PPARGC1A: variants seen among roughly 807,000 people sequenced by gnomAD.
The protein encoded by PPARGC1A is peroxisome proliferator-activated receptor gamma coactivator 1-alpha.
Under a neutral mutation model 88.7 loss-of-function variants are expected in PPARGC1A, and 25 were observed. The observed-to-expected ratio is 0.28, with a 90% CI of 0.21 to 0.39. The LOEUF (loss-of-function observed/expected upper bound fraction) is 0.39, where lower values mean the gene tolerates loss of function less well. Among genes scored for constraint, PPARGC1A ranks in the 10% least tolerant of loss-of-function variants. The probability of loss-of-function intolerance (pLI) is 1.00; values close to 1 mark genes in which losing one functional copy is unlikely to be tolerated. For missense variants in PPARGC1A, 880 were observed against 968.7 expected (o/e 0.91, Z 1.22); for synonymous variants, 363 against 355.6 (o/e 1.02, Z -0.24).
chr4:23,861,299 G>A (rs913412981), intron 2 of PPARGC1A, among the ~76,000 whole-genome samples: 3 of 152,212 alleles, frequency 2.0e-5, no homozygotes, highest in Admixed American at 2.0e-4. Context: ...CGTATCTGAA[G>A]ATTTTGATAC....
the PPARGC1A span, among the ~76,000 whole-genome samples, chr4:24,051,006 T>G: frequency 6.6e-6 from 1 of 151,688 alleles, no homozygotes; most frequent in Admixed American, 6.6e-5. Context: ...GCTAACATGG[T>G]GAAACCCCGT....
At chr4:24,070,358 AC>A in the PPARGC1A span, among the ~76,000 whole-genome samples, 1 of 152,172 alleles carries the variant, frequency 6.6e-6, no homozygotes, top group African/African-American at 2.4e-5. Context: ...AAAAGTGCCT[AC>A]ACCTTAGTCA....
rs531195878 is a variant in PPARGC1A at position 23,810,652 on chromosome 4, T to C, written c.2019+2095A>G. The stretch of plus-strand genomic sequence containing the variant: ...TTTGATTAAAATATTAATCTGGCTT[T>C]AGTTACAACTGTGTTGTGTCATGGC... On this transcript the variant is annotated intron_variant, in intron 10 of 12. Transcript: ENST00000264867. 4.1e-4 allele frequency among the ~76,000 whole-genome samples: 63 copies of C among 152,350 alleles called. No individual in the cohort carries two copies. The Middle Eastern group carries it at 0.01, about 25-fold the overall frequency.
chr4:24,091,097 T>G, the PPARGC1A span, among the ~76,000 whole-genome samples: 1 of 152,174 alleles, frequency 6.6e-6, no homozygotes, highest in Non-Finnish European at 1.5e-5. Context: ...ATAAAGTAAG[T>G]CTGATGACAG....
At chr4:23,816,105 G>C (rs1176962455) in intron 7 of PPARGC1A, among the ~76,000 whole-genome samples, 1 of 152,180 alleles carries the variant, frequency 6.6e-6, no homozygotes, top group Non-Finnish European at 1.5e-5. Flanking sequence ...AATTCTCCCT[G>C]AGAGAAGAAA....
At chr4:24,058,623 C>T in the PPARGC1A span, among the ~76,000 whole-genome samples, 4 of 152,094 alleles carry the variant, frequency 2.6e-5, no homozygotes, top group African/African-American at 7.2e-5. Flanking sequence ...GAGTGAAAAA[C>T]GTGGCTGAGA....
chr4:24,411,203 A>T, the PPARGC1A span, among the ~76,000 whole-genome samples: 1 of 152,196 alleles, frequency 6.6e-6, no homozygotes, highest in Non-Finnish European at 1.5e-5. Flanking sequence ...CTTCTTCCTC[A>T]GGACACCCCA....
At chr4:23,889,834 C>G in intron 1 of PPARGC1A, 70 bp downstream of exon 1, 3 of 1,576,416 alleles carry the variant, frequency 1.9e-6, no homozygotes, top group African/African-American at 1.3e-5. Flanking sequence ...CCCATCCCCC[C>G]TTACAGGAAT....
the PPARGC1A span, among the ~76,000 whole-genome samples, chr4:23,928,696 A>C: frequency 4.4e-3 from 658 of 150,884 alleles, 3 homozygotes; most frequent in African/African-American, 0.015. Flanking sequence ...CGTGGCATGA[A>C]CCCAAATGCC....
chr4:24,322,833 T>C, the PPARGC1A span, among the ~76,000 whole-genome samples: 3 of 152,202 alleles, frequency 2.0e-5, no homozygotes, highest in Non-Finnish European at 4.4e-5. Context: ...TGCACAGCCA[T>C]CCACAATGAT....
chr4:23,974,686 G>T, the PPARGC1A span, among the ~76,000 whole-genome samples: 1 of 151,388 alleles, frequency 6.6e-6, no homozygotes, highest in South Asian at 2.1e-4. Context: ...AGGCTGGAGT[G>T]CAGTGGCGTG....
chr4:24,420,326 T>A, the PPARGC1A span, among the ~76,000 whole-genome samples: 3 of 152,204 alleles, frequency 2.0e-5, no homozygotes, highest in Non-Finnish European at 4.4e-5. Flanking sequence ...CTTTTTTTAA[T>A]TTAAAGTTTA....
chr4:23,869,672 G>A (rs1479878131), intron 2 of PPARGC1A, among the ~76,000 whole-genome samples: 1 of 150,806 alleles, frequency 6.6e-6, no homozygotes. Context: ...ATGGCACGGC[G>A]GGGTGGGCGG....
At chr4:24,379,402 A>G in the PPARGC1A span, among the ~76,000 whole-genome samples, 1 of 152,200 alleles carries the variant, frequency 6.6e-6, no homozygotes, top group African/African-American at 2.4e-5. Flanking sequence ...GCAACAATGC[A>G]TTGTATATTT....
At chr4:24,358,825 A>G in the PPARGC1A span, among the ~76,000 whole-genome samples, 2 of 152,232 alleles carry the variant, frequency 1.3e-5, no homozygotes, top group Non-Finnish European at 2.9e-5. Context: ...GACTTTGGCC[A>G]GTGAACCCTG....
the PPARGC1A span, among the ~76,000 whole-genome samples, chr4:23,918,006 A>G: frequency 9.9e-5 from 15 of 152,262 alleles, no homozygotes; most frequent in African/African-American, 3.6e-4. Context: ...ATTGAGATAC[A>G]TTGTGGATAT....
chr4:23,878,347 A>AT (rs1329404684), intron 2 of PPARGC1A, among the ~76,000 whole-genome samples: 1 of 143,636 alleles, frequency 7.0e-6, no homozygotes, highest in Non-Finnish European at 1.5e-5. Context: ...ATCAACGTCC[A>AT]TAAAAAAAAA....
chr4:24,364,259 A>G, the PPARGC1A span, among the ~76,000 whole-genome samples: 1 of 152,318 alleles, frequency 6.6e-6, no homozygotes, highest in South Asian at 2.1e-4. Context: ...CAAACCATAT[A>G]AAGGGATTTT....
intron 2 of PPARGC1A, among the ~76,000 whole-genome samples, chr4:23,866,941 T>C (rs761075795): frequency 4.6e-5 from 7 of 152,322 alleles, no homozygotes; most frequent in Non-Finnish European, 5.9e-5. Flanking sequence ...GAGTGCAATG[T>C]AGACGGGACT....
Sources: gnomAD v4.1 joint callset for allele counts (sites outside exome capture counted in the v4.1 genomes callset) on GRCh38, gnomAD v4.1.1 for gene constraint, MANE v1.5 for transcripts, NCBI Gene and HGNC (gene_info 2026-07-23, HGNC 2026-07-21) for gene names.